The following RANBP2 variants were observed in gnomAD, a reference collection of about 807,000 sequenced individuals.
RANBP2 encodes the protein E3 SUMO-protein ligase RanBP2.
Under a neutral mutation model 303.6 loss-of-function variants are expected in RANBP2, and 57 were observed. The ratio of observed to expected loss-of-function variants is 0.19; its 90% confidence interval spans 0.15 to 0.23. The LOEUF is 0.23. Ranked by LOEUF, RANBP2 falls within the 10% of genes least tolerant of loss-of-function variation. The pLI, the probability that RANBP2 is intolerant of heterozygous loss-of-function variation, is 1.00. For missense variants in RANBP2, 3,138 were observed against 3,780.8 expected (o/e 0.83, Z 4.46); for synonymous variants, 1,167 against 1,301.5 (o/e 0.90, Z 2.23).
At position 108,782,129 on chromosome 2, in the gene RANBP2, T is replaced by C. The variant is rs1678296836; in HGVS notation, c.8762T>C (p.Val2921Ala). The C allele has an allele frequency of 6.2e-7, 1 of 1,614,014 alleles. No individual in the cohort carries two copies. The highest frequency in any genetic ancestry group is 8.5e-7 in the Non-Finnish European group (1 of 1,179,968). ...HFEPIVSLPE[V>A]EVKSGEEDEE... ...AGAGAATTTCATCTCCTATTATAGG[T>C]AGAAGTAAAATCTGGAGAAGAAGAT... The change falls in exon 27 of 29, where the codon GTA (valine) becomes GCA (alanine). Residue 2921 changes from valine (V) to alanine (A), a missense_variant and splice_region_variant. This residue lies in a region of RANBP2 where 68 missense variants were observed against 117.4 expected (regional missense o/e 0.58). Transcript: ENST00000283195.
At chr2:109,420,338 C>T in the RANBP2 span, among the ~76,000 whole-genome samples, 1 of 152,054 alleles carries the variant, frequency 6.6e-6, no homozygotes, top group African/African-American at 2.4e-5. Context: ...AACAAGATGA[C>T]ATAATACAGA....
chr2:109,614,482 G>A, the RANBP2 span: 2 of 1,227,206 alleles, frequency 1.6e-6, no homozygotes, highest in Non-Finnish European at 2.0e-6. Context: ...GGAGCAGCGC[G>A]GTCGAGGATG....
At chr2:109,610,496 C>G in the RANBP2 span, among the ~76,000 whole-genome samples, 1 of 152,180 alleles carries the variant, frequency 6.6e-6, no homozygotes, top group East Asian at 1.9e-4. Context: ...GGGTGGATCA[C>G]CTGAGGTTGG....
the RANBP2 span, among the ~76,000 whole-genome samples, chr2:109,448,172 G>A: frequency 2.0e-5 from 3 of 152,258 alleles, no homozygotes; most frequent in Admixed American, 6.5e-5. Context: ...CTTGCATGCA[G>A]TGGTGCTTAA....
the RANBP2 span, among the ~76,000 whole-genome samples, chr2:109,378,244 G>A: frequency 6.6e-6 from 1 of 152,184 alleles, no homozygotes; most frequent in Admixed American, 6.5e-5. Flanking sequence ...CAGGGAGCTG[G>A]CTCATATTCA....
chr2:109,623,740 T>G, the RANBP2 span, among the ~76,000 whole-genome samples: 1 of 152,198 alleles, frequency 6.6e-6, no homozygotes, highest in Non-Finnish European at 1.5e-5. Flanking sequence ...CTTTGGTCCG[T>G]AATCAACCTC....
the RANBP2 span, among the ~76,000 whole-genome samples, chr2:109,417,443 G>T: frequency 7.9e-5 from 12 of 152,260 alleles, no homozygotes; most frequent in East Asian, 2.3e-3. Context: ...GAATCCATCC[G>T]TGGGAAGGAA....
the RANBP2 span, chr2:109,613,715 C>T: frequency 3.2e-6 from 3 of 940,028 alleles, no homozygotes; most frequent in South Asian, 5.3e-5. Context: ...CGGGCCGGAC[C>T]AGGGGGCCGG....
the RANBP2 span, among the ~76,000 whole-genome samples, chr2:109,085,759 C>A: frequency 3.3e-5 from 5 of 152,210 alleles, no homozygotes; most frequent in African/African-American, 1.2e-4. Context: ...TGCCACCACG[C>A]CTGGCTAATT....
At chr2:109,012,957 C>T in the RANBP2 span, among the ~76,000 whole-genome samples, 1 of 152,114 alleles carries the variant, frequency 6.6e-6, no homozygotes, top group East Asian at 1.9e-4. Context: ...GAGAGAGGAA[C>T]TTTGTATATT....
At chr2:109,110,921 G>A in the RANBP2 span, among the ~76,000 whole-genome samples, 2 of 152,184 alleles carry the variant, frequency 1.3e-5, no homozygotes, top group Non-Finnish European at 2.9e-5. Context: ...GCAGCAGAAC[G>A]GGGGTGTGAG....
chr2:109,501,344 A>G, the RANBP2 span, among the ~76,000 whole-genome samples: 1 of 152,238 alleles, frequency 6.6e-6, no homozygotes, highest in Non-Finnish European at 1.5e-5. Context: ...AAAAATTTCC[A>G]GAGTTTTGAA....
the RANBP2 span, among the ~76,000 whole-genome samples, chr2:109,442,685 A>G: frequency 1.6e-3 from 238 of 152,364 alleles, 2 homozygotes; most frequent in African/African-American, 5.4e-3. Context: ...TAAAATAAAG[A>G]TGTAAGCAGT....
At chr2:109,406,192 T>C in the RANBP2 span, among the ~76,000 whole-genome samples, 7 of 152,160 alleles carry the variant, frequency 4.6e-5, no homozygotes, top group African/African-American at 1.7e-4. Context: ...ATCATTCACA[T>C]GTCAGTGCTC....
At chr2:109,172,518 C>T in the RANBP2 span, among the ~76,000 whole-genome samples, 1 of 152,202 alleles carries the variant, frequency 6.6e-6, no homozygotes, top group Non-Finnish European at 1.5e-5. Flanking sequence ...ATTTTCCTTT[C>T]TTACCTCCCT....
the RANBP2 span, among the ~76,000 whole-genome samples, chr2:109,192,645 C>A: frequency 6.6e-6 from 1 of 152,140 alleles, no homozygotes; most frequent in Non-Finnish European, 1.5e-5. Context: ...GAAGGTAATG[C>A]AAATAGGCCT....
the RANBP2 span, among the ~76,000 whole-genome samples, chr2:109,205,817 C>T: frequency 6.6e-6 from 1 of 152,194 alleles, no homozygotes; most frequent in Non-Finnish European, 1.5e-5. Flanking sequence ...GGGAAGCACA[C>T]TGTGTGTGTA....
chr2:109,068,113 G>T, the RANBP2 span, among the ~76,000 whole-genome samples: 1 of 152,172 alleles, frequency 6.6e-6, no homozygotes, highest in East Asian at 1.9e-4. Context: ...ACCCCCTCAC[G>T]GGGCTACCCC....
At chr2:108,865,240 G>A in the RANBP2 span, among the ~76,000 whole-genome samples, 1 of 152,056 alleles carries the variant, frequency 6.6e-6, no homozygotes, top group East Asian at 1.9e-4. Context: ...AGCAGACCAC[G>A]ATTGATGGAT....
Sources: gnomAD v4.1 joint callset for allele counts (sites outside exome capture counted in the v4.1 genomes callset) on GRCh38, gnomAD v4.1.1 for gene constraint, gnomAD v4.1.1 regional missense constraint, MANE v1.5 for transcripts, NCBI Gene and HGNC (gene_info 2026-07-23, HGNC 2026-07-21) for gene names.